SUPT3H: variants seen among roughly 807,000 people sequenced by gnomAD.
The protein encoded by SUPT3H is SPT3 homolog, SAGA and STAGA complex component.
SUPT3H carries 44 observed loss-of-function variants against 44.3 expected under a neutral mutation model. The ratio of observed to expected loss-of-function variants is 0.99; its 90% CI spans 0.78 to 1.28. The LOEUF is 1.28. Among genes scored for constraint, SUPT3H ranks in the 50% most tolerant of loss-of-function variants. The probability of loss-of-function intolerance (pLI) is 0.00; values close to 1 mark genes in which losing one functional copy is unlikely to be tolerated. For missense variants in SUPT3H, 380 were observed against 387.1 expected (o/e 0.98, Z 0.15); for synonymous variants, 124 against 125.6 (o/e 0.99, Z 0.09).
chr6:44,993,058 G>T (rs1357869979), intron 6 of SUPT3H, among the ~76,000 whole-genome samples: 1 of 152,108 alleles, frequency 6.6e-6, no homozygotes, highest in Non-Finnish European at 1.5e-5. Flanking sequence ...AACTACTTGG[G>T]AGGCTCAGGC....
chr6:44,862,493 A>G (rs1419439189), intron 10 of SUPT3H, among the ~76,000 whole-genome samples: 1 of 151,838 alleles, frequency 6.6e-6, no homozygotes, highest in East Asian at 1.9e-4. Context: ...CCTGGCCAAC[A>G]TGGTGAAATC....
chr6:44,832,364 G>T (rs1768963684), intron 10 of SUPT3H, among the ~76,000 whole-genome samples: 1 of 152,118 alleles, frequency 6.6e-6, no homozygotes, highest in African/African-American at 2.4e-5. Flanking sequence ...CCCTATGAAT[G>T]ATTCCCAGTT....
At chr6:45,128,741 AG>A (rs1203759049) in intron 2 of SUPT3H, among the ~76,000 whole-genome samples, 1 of 149,346 alleles carries the variant, frequency 6.7e-6, no homozygotes, top group Non-Finnish European at 1.5e-5. Context: ...ACTGGAGTGC[AG>A]TGGCACAATC....
intron 2 of SUPT3H, among the ~76,000 whole-genome samples, chr6:45,266,418 T>C (rs184258646): frequency 5.9e-5 from 9 of 151,944 alleles, no homozygotes; most frequent in Admixed American, 1.3e-4. Context: ...GAAATAAAAA[T>C]CATATACCAT....
rs371186773 is a variant in SUPT3H, at chr6:45,342,011, C to A, written c.101+23190G>T. On this transcript the variant is annotated intron_variant, in intron 2 of 10. Coordinates refer to ENST00000371459, the MANE Select transcript of SUPT3H (RefSeq NM_003599.4). Reference sequence around the variant, plus strand: ...TTATTAACCTAGCATTAAAAAAAAACGGAGACTGGACTGAAAAATATGGGC... The same window carrying A: ...TTATTAACCTAGCATTAAAAAAAAAAGGAGACTGGACTGAAAAATATGGGC... Among the ~76,000 whole-genome samples, 4 of 151,044 alleles carry A rather than the reference C, an allele frequency of 2.6e-5. No homozygotes were observed. In the South Asian group the frequency reaches 6.3e-4, roughly 24 times the overall value.
rs965058717 is a variant in SUPT3H at position 45,106,090 on chromosome 6, G to A, written c.102-84C>T. On this transcript the variant is annotated intron_variant, in intron 2 of 10. Transcript: ENST00000371459. ...AGTGAAACATTTATTACATGAATCA[G>A]TTTAGTAAGGAGAACATAAATTGTT... The A allele has an allele frequency of 1.7e-5, 19 of 1,109,966 alleles. No individual in the cohort carries two copies. The Admixed American group carries it at 2.5e-4, about 15-fold the overall frequency. The allele number at this position is 1,109,966 out of a possible 1,614,324, so 68.8% of individuals were successfully genotyped here.
At chr6:45,243,691 T>C (rs1770818001) in intron 2 of SUPT3H, among the ~76,000 whole-genome samples, 1 of 152,178 alleles carries the variant, frequency 6.6e-6, no homozygotes, top group Non-Finnish European at 1.5e-5. Context: ...AAAAATGGTA[T>C]AAAACTTTGA....
intron 2 of SUPT3H, among the ~76,000 whole-genome samples, chr6:45,363,802 A>G (rs1794675399): frequency 6.6e-6 from 1 of 152,064 alleles, no homozygotes; most frequent in African/African-American, 2.4e-5. Flanking sequence ...TGAAAGGTGT[A>G]ATCAATTTTT....
intron 3 of SUPT3H, among the ~76,000 whole-genome samples, chr6:45,093,449 A>G (rs576936252): frequency 6.6e-6 from 1 of 152,264 alleles, no homozygotes; most frequent in East Asian, 1.9e-4. Flanking sequence ...GAGTAATAGC[A>G]GCAATGGGGA....
intron 2 of SUPT3H, among the ~76,000 whole-genome samples, chr6:45,180,832 C>T (rs9395077): frequency 0.58 from 87,492 of 150,780 alleles, 26,267 homozygotes; most frequent in African/African-American, 0.74. Context: ...TCTAAAACAC[C>T]AAAAGCAATG....
Position 45,027,126 on chromosome 6 carries a change from A to T in SUPT3H, c.187-6494T>A, listed in dbSNP as rs531868818. The stretch of plus-strand genomic sequence containing the variant: ...CACCTCAGCCTCCTGAGTAGCTGGG[A>T]CTATAGGCGTGCATCATCACATCTG... On this transcript the variant is annotated intron_variant, in intron 3 of 10. Transcript: ENST00000371459. 7.5e-4 allele frequency among the ~76,000 whole-genome samples: 114 copies of T among 151,178 alleles called. 1 individual carries two copies. Among genetic ancestry groups the T allele is most frequent in the Non-Finnish European group, 1.5e-3 (102 of 67,894 alleles).
At chr6:45,314,877 A>G (rs887531658) in intron 2 of SUPT3H, among the ~76,000 whole-genome samples, 2 of 152,210 alleles carry the variant, frequency 1.3e-5, no homozygotes, top group Non-Finnish European at 2.9e-5. Flanking sequence ...ATATTACCTG[A>G]TTTCAAAATA....
chr6:44,987,324 AT>A (rs1779959428), intron 6 of SUPT3H, among the ~76,000 whole-genome samples: 1 of 151,944 alleles, frequency 6.6e-6, no homozygotes. Flanking sequence ...AATTCAGTCC[AT>A]AGCCCCTTTT....
chr6:45,132,350 C>A (rs946433573), intron 2 of SUPT3H, among the ~76,000 whole-genome samples: 1 of 152,146 alleles, frequency 6.6e-6, no homozygotes, highest in Non-Finnish European at 1.5e-5. Flanking sequence ...TTTTACAGTT[C>A]CCTATTCCCT....
rs1765592774 is a variant in SUPT3H, at chr6:44,904,169, A to C, written c.912+28484T>G. Among the ~76,000 whole-genome samples the C allele has an allele frequency of 2.6e-5, 4 of 152,086 alleles. No homozygotes were observed. The South Asian group carries it at 6.2e-4, about 24-fold the overall frequency. ...CACTCCTATTCAACATAGTGTTGGA[A>C]GTTCTGGCCAGGGAGAAGGAAATAA... On this transcript the variant is annotated intron_variant, in intron 10 of 10. Coordinates refer to ENST00000371459, the MANE Select transcript of SUPT3H (RefSeq NM_003599.4).
intron 10 of SUPT3H, among the ~76,000 whole-genome samples, chr6:44,861,819 C>T (rs541000611): frequency 1.3e-5 from 2 of 152,268 alleles, no homozygotes; most frequent in African/African-American, 4.8e-5. Flanking sequence ...AAGGAAGATA[C>T]CAAGCTTGGA....
At chr6:44,849,320 G>A (rs1329574656) in intron 10 of SUPT3H, among the ~76,000 whole-genome samples, 3 of 144,960 alleles carry the variant, frequency 2.1e-5, no homozygotes, top group East Asian at 4.0e-4. Flanking sequence ...TCCGCCTCCC[G>A]GGTTCACGCC....
chr6:45,198,588 T>C (rs757268689), intron 2 of SUPT3H, among the ~76,000 whole-genome samples: 27 of 151,392 alleles, frequency 1.8e-4, no homozygotes, highest in Admixed American at 4.0e-4. Flanking sequence ...GGGAATAGCA[T>C]ATAACAATGA....
Position 45,302,701 on chromosome 6 carries a change from C to G in SUPT3H, c.101+62500G>C, listed in dbSNP as rs540745765. ...CAACTTCTTTTCCTCTGGGTAGATACCCAGGATTGGGATTGTTGGATCAAA... is the reference window on the plus strand; with the variant it reads ...CAACTTCTTTTCCTCTGGGTAGATAGCCAGGATTGGGATTGTTGGATCAAA... On this transcript the variant is annotated intron_variant, in intron 2 of 10. Coordinates refer to ENST00000371459, the MANE Select transcript of SUPT3H (RefSeq NM_003599.4). Among the ~76,000 whole-genome samples the G allele has an allele frequency of 1.6e-4, 25 of 151,912 alleles. No homozygotes were observed. In the South Asian group the frequency reaches 5.0e-3, roughly 30 times the overall value.
Sources: allele counts gnomAD v4.1 joint callset (sites outside exome capture counted in the v4.1 genomes callset), GRCh38; gene constraint gnomAD v4.1.1; transcripts MANE v1.5; gene names NCBI Gene and HGNC (gene_info 2026-07-23, HGNC 2026-07-21).